Variants in ARID2 observed in about 807,000 individuals in gnomAD.
ARID2 encodes AT-rich interactive domain-containing protein 2.
ARID2 carries 32 observed loss-of-function variants against 184.6 expected under a neutral mutation model. The ratio of observed to expected loss-of-function variants is 0.17; its 90% CI spans 0.13 to 0.23. The LOEUF is 0.23. Among genes scored for constraint, ARID2 ranks in the 10% least tolerant of loss-of-function variants. The pLI, the probability that ARID2 is intolerant of heterozygous loss-of-function variation, is 1.00. For synonymous variants in ARID2, 836 were observed against 772.6 expected (o/e 1.08, Z -1.36); for missense variants, 1,696 against 2,197.6 (o/e 0.77, Z 4.56).
intron 3 of ARID2, among the ~76,000 whole-genome samples, chr12:45,783,312 C>A (rs1942132170): frequency 6.6e-6 from 1 of 152,118 alleles, no homozygotes; most frequent in South Asian, 2.1e-4. Context: ...GCTAATTCAG[C>A]AGCACTACAG....
intron 16 of ARID2, among the ~76,000 whole-genome samples, chr12:45,877,278 T>A (rs1403091676): frequency 6.6e-6 from 1 of 152,050 alleles, no homozygotes; most frequent in Admixed American, 6.6e-5. Context: ...CCCTATTGCT[T>A]GCATTACCAC....
intron 16 of ARID2, among the ~76,000 whole-genome samples, chr12:45,869,415 T>C (rs1943883470): frequency 6.6e-6 from 1 of 151,320 alleles, no homozygotes; most frequent in Non-Finnish European, 1.5e-5. Flanking sequence ...TGTTATTACT[T>C]TTTTTTTTCC....
intron 3 of ARID2, chr12:45,776,234 AACAGGTCCTCCAGGTG>A (rs1941978001): frequency 6.5e-6 from 1 of 153,250 alleles, no homozygotes; most frequent in Non-Finnish European, 1.5e-5. Context: ...GTCTGTTTTT[AACAGGTCCTCCAGGTG>A]ATTCTGAACC....
intron 15 of ARID2, among the ~76,000 whole-genome samples, chr12:45,858,991 A>G (rs959396681): frequency 6.6e-6 from 1 of 152,136 alleles, no homozygotes; most frequent in Non-Finnish European, 1.5e-5. Context: ...TCAACATGTT[A>G]TTCTCTTCCT....
chr12:45,753,567 T>A (rs760018778), intron 3 of ARID2, among the ~76,000 whole-genome samples: 6 of 152,216 alleles, frequency 3.9e-5, no homozygotes, highest in Non-Finnish European at 7.3e-5. Context: ...TATTATTTTC[T>A]GCTGATCCTG....
At chr12:45,786,481 T>C (rs1942197979) in intron 3 of ARID2, among the ~76,000 whole-genome samples, 1 of 152,220 alleles carries the variant, frequency 6.6e-6, no homozygotes, top group African/African-American at 2.4e-5. Context: ...TTCAGATCTT[T>C]TATTCTGTGG....
At chr12:45,809,440 T>C (rs1942662092) in intron 3 of ARID2, among the ~76,000 whole-genome samples, 1 of 152,220 alleles carries the variant, frequency 6.6e-6, no homozygotes, top group African/African-American at 2.4e-5. Flanking sequence ...AGAATGAGCT[T>C]GATTCATTTA....
intron 3 of ARID2, among the ~76,000 whole-genome samples, chr12:45,811,215 A>G (rs1168088974): frequency 6.6e-6 from 1 of 151,866 alleles, no homozygotes; most frequent in Admixed American, 6.6e-5. Flanking sequence ...TCTCAAAAAA[A>G]AAAAAAAGAA....
chr12:45,862,998 T>C (rs974584871), intron 16 of ARID2, among the ~76,000 whole-genome samples: 5 of 152,090 alleles, frequency 3.3e-5, no homozygotes, highest in African/African-American at 1.2e-4. Flanking sequence ...TGCCAGAAGA[T>C]AGAAATACAA....
rs1179922706 is a variant in ARID2, at chr12:45,851,710, T to C, written c.3587T>C (p.Ile1196Thr). The change falls in exon 15 of 21, where the codon ATT becomes ACT. Residue 1196 changes from isoleucine to threonine, a missense_variant. By Grantham distance (89) the Ile-to-Thr change is moderately conservative. This residue lies in a region of ARID2 where 428 missense variants were observed against 409.1 expected (regional missense o/e 1.05). Coordinates refer to ENST00000334344, the MANE Select transcript of ARID2 (RefSeq NM_152641.4). ...TVSQGNATQL[I>T]APAGITMSGT... ...AGTCAGGGAAATGCAACTCAGCTCA[T>C]TGCTCCAGCAGGAATTACCATGAGC... is the stretch of plus-strand genomic sequence containing the variant. 6.2e-7 allele frequency: 1 copy of C among 1,614,130 alleles called. No homozygotes were observed. The highest frequency in any genetic ancestry group is 8.5e-7 in the Non-Finnish European group (1 of 1,179,988).
chr12:45,815,142 A>AT (rs1255997594), intron 4 of ARID2, among the ~76,000 whole-genome samples: 2 of 152,210 alleles, frequency 1.3e-5, no homozygotes, highest in Non-Finnish European at 2.9e-5. Flanking sequence ...CAGATAAGGA[A>AT]TACGGGTTCC....
chr12:45,847,739 C>T (rs1943470649), intron 12 of ARID2, among the ~76,000 whole-genome samples: 1 of 152,046 alleles, frequency 6.6e-6, no homozygotes, highest in Non-Finnish European at 1.5e-5. Context: ...GCTTTCAATA[C>T]ATTTTTGTTC....
rs570836764 is a variant in ARID2, at chr12:45,855,621, A to G, written c.4773+2725A>G. 5.3e-5 allele frequency among the ~76,000 whole-genome samples: 8 copies of G among 152,334 alleles called. No individual in the cohort carries two copies. The South Asian group carries it at 1.2e-3, about 24-fold the overall frequency. On this transcript the variant is annotated intron_variant, in intron 15 of 20. Transcript: ENST00000334344. ...AAAATTAACTGTTCAAGATGGCGTT[A>G]TAAGTTTCTTTTGAAGAGAAGGTTG...
Position 45,904,935 on chromosome 12 carries a change from T to C in ARID2, c.5365T>C (p.Leu1789=), listed in dbSNP as rs766577338. The change falls in exon 21 of 21, where the codon TTG becomes CTG. Residue 1789 remains leucine (L), a splice_region_variant and synonymous_variant. Coordinates refer to ENST00000334344, the MANE Select transcript of ARID2 (RefSeq NM_152641.4). The stretch of plus-strand genomic sequence containing the variant: ...AATCTTCTATATGTTTTTTTGCAGA[T>C]TGTTAAAGAGACATGAAAATAACTT... ...IGKYSECGRR[L]LKRHENNLSV... 1.2e-5 allele frequency: 20 copies of C among 1,612,876 alleles called. No individual in the cohort carries two copies. The East Asian group carries it at 2.9e-4, about 23-fold the overall frequency.
At chr12:45,886,695 T>G (rs1327902899) in intron 16 of ARID2, among the ~76,000 whole-genome samples, 1 of 152,174 alleles carries the variant, frequency 6.6e-6, no homozygotes, top group East Asian at 1.9e-4. Flanking sequence ...CAAACCTCAA[T>G]TTTTGATTTT....
At chr12:45,825,521 G>A (rs1025542517) in intron 6 of ARID2, among the ~76,000 whole-genome samples, 1 of 152,132 alleles carries the variant, frequency 6.6e-6, no homozygotes, top group African/African-American at 2.4e-5. Flanking sequence ...AACAAAAACT[G>A]CTAATGATAA....
Position 45,839,407 on chromosome 12 carries a change from A to C in ARID2, c.1409A>C (p.His470Pro). 6.2e-7 allele frequency: 1 copy of C among 1,614,078 alleles called. No homozygotes were observed. Among genetic ancestry groups the C allele is most frequent in the Non-Finnish European group, 8.5e-7 (1 of 1,180,000 alleles). Residue 470 changes from histidine (H) to proline (P), a missense_variant, in exon 11 of 21, where the codon CAC (histidine) becomes CCC (proline). Transcript: ENST00000334344. ...DALAAVKLIE[H>P]PSSSHQMLSE... is the part of the protein sequence containing the mutation. ...CTAGCTGCGGTAAAACTCATTGAACACCCAAGTTCCAGTCATCAAATGTTA... is the reference window on the plus strand; with the variant it reads ...CTAGCTGCGGTAAAACTCATTGAACCCCCAAGTTCCAGTCATCAAATGTTA...
At chr12:45,750,032 A>T (rs938977315) in intron 3 of ARID2, among the ~76,000 whole-genome samples, 1 of 152,188 alleles carries the variant, frequency 6.6e-6, no homozygotes, top group Non-Finnish European at 1.5e-5. Context: ...CATTCACAAC[A>T]TAGCTAAATG....
At chr12:45,846,058 G>A (rs917256401) in intron 11 of ARID2, 5 of 152,068 alleles carry the variant, frequency 3.3e-5, no homozygotes, top group Non-Finnish European at 7.4e-5. Context: ...TCTTCAACAT[G>A]TTAGAAAATA....
Sources: allele counts gnomAD v4.1 joint callset (sites outside exome capture counted in the v4.1 genomes callset), GRCh38; gene constraint gnomAD v4.1.1; regional missense constraint gnomAD v4.1.1; transcripts MANE v1.5; gene names NCBI Gene and HGNC (gene_info 2026-07-23, HGNC 2026-07-21).